Variants in DERA observed in about 807,000 individuals in gnomAD.
DERA encodes the protein 2-deoxy-D-ribose 5-phosphate aldolase.
Under a neutral mutation model 41.1 loss-of-function variants are expected in DERA, and 15 were observed. The observed-to-expected ratio is 0.37, with a 90% CI of 0.24 to 0.56. DERA has a LOEUF of 0.56. Ranked by LOEUF, DERA falls within the 20% of genes least tolerant of loss-of-function variation. The pLI is 0.81. For synonymous variants in DERA, 139 were observed against 137.4 expected, an observed-to-expected ratio of 1.01 and a Z score of -0.08; for missense variants, 396 against 403.4, an observed-to-expected ratio of 0.98 and a Z score of 0.16.
rs1363671166 is a variant in DERA at position 16,011,754 on chromosome 12, TG to T, written c.638-20787del. On this transcript the variant is annotated intron_variant, in intron 6 of 8. Transcript: ENST00000428559. This position sits in a 1 kb window ranked among gnomAD's most constrained non-coding sequence, Gnocchi z 4.7. ...TTTTGAGGCATTTGGCATGGGTAAT[TG>T]TATTTACGGATAGATGTTTTCATTT... Among the ~76,000 whole-genome samples, 1 of 152,198 alleles carries T rather than the reference TG, an allele frequency of 6.6e-6. No homozygotes were observed. Among genetic ancestry groups the T allele is most frequent in the Admixed American group, 6.6e-5 (1 of 15,266 alleles).
In DERA at chr12:15,911,858, G is replaced by A. The variant is rs907443311; in HGVS notation, c.31+444G>A. 7.3e-5 allele frequency: 32 copies of A among 438,586 alleles called. No homozygotes were observed. Among genetic ancestry groups the A allele is most frequent in the Non-Finnish European group, 1.1e-4 (25 of 218,804 alleles). The allele number at this position is 438,586 out of a possible 1,614,324, so 27.2% of individuals were successfully genotyped here. On this transcript the variant is annotated intron_variant, in intron 1 of 8. Coordinates refer to ENST00000428559, the MANE Select transcript of DERA (RefSeq NM_015954.4). This position sits in a 1 kb window ranked among gnomAD's most constrained non-coding sequence, Gnocchi z 4.5. Reference sequence around the variant, plus strand: ...TTTTAACCGTAACCTTGAAGTGGCCGTGCTCGTGGAAAAGTTGTCAGCCGT... The same window carrying A: ...TTTTAACCGTAACCTTGAAGTGGCCATGCTCGTGGAAAAGTTGTCAGCCGT...
intron 1 of DERA, among the ~76,000 whole-genome samples, chr12:15,948,696 A>G (rs907338698): frequency 1.3e-5 from 2 of 151,898 alleles, no homozygotes; most frequent in African/African-American, 2.4e-5. Context: ...TCTTCTCTCA[A>G]CTCGTCAAAG....
rs549267097 is a variant in DERA, at chr12:15,967,796, C to G, written c.508+4849C>G. On this transcript the variant is annotated intron_variant, in intron 5 of 8. Transcript: ENST00000428559. This position sits in a 1 kb window ranked among gnomAD's most constrained non-coding sequence, Gnocchi z 4.9. The stretch of plus-strand genomic sequence containing the variant: ...TAGCTGGACATGGAAACGTGGATAA[C>G]TACATTTCTCACTTACCACCATAGT... Among the ~76,000 whole-genome samples the G allele has an allele frequency of 1.3e-5, 2 of 152,310 alleles. No individual in the cohort carries two copies. The highest frequency in any genetic ancestry group is 2.1e-4 in the South Asian group (1 of 4,826).
At chr12:16,034,776 C>T (rs539162409) in intron 7 of DERA, among the ~76,000 whole-genome samples, 4 of 151,728 alleles carry the variant, frequency 2.6e-5, no homozygotes, top group East Asian at 1.9e-4. Flanking sequence ...AAAAGATAAA[C>T]TTATGTTAGA....
rs946115674 is a variant in DERA, at chr12:15,970,189, T to A, written c.508+7242T>A. ...TATATTAAGTGTTTTACTGTACATA[T>A]AATTATCTTAAGAGTTATTTTCAGG... On this transcript the variant is annotated intron_variant, in intron 5 of 8. Transcript: ENST00000428559. The surrounding 1 kb of genome is among the most constrained non-coding windows in gnomAD (Gnocchi z 4.3). 2.0e-5 allele frequency among the ~76,000 whole-genome samples: 3 copies of A among 152,236 alleles called. No homozygotes were observed. The highest frequency in any genetic ancestry group is 7.2e-5 in the African/African-American group (3 of 41,462).
intron 6 of DERA, among the ~76,000 whole-genome samples, chr12:16,022,462 C>T (rs1592054770): frequency 6.6e-6 from 1 of 152,174 alleles, no homozygotes; most frequent in African/African-American, 2.4e-5. Context: ...ACTAACACAG[C>T]ATATGTTCAG....
intron 5 of DERA, among the ~76,000 whole-genome samples, chr12:15,974,952 T>A (rs1729049128): frequency 6.6e-6 from 1 of 152,134 alleles, no homozygotes; most frequent in Non-Finnish European, 1.5e-5. Flanking sequence ...AAGAACTCAT[T>A]GATTCTTATT....
rs1949121178 is a variant in DERA, at chr12:16,035,491, T to C, written c.751-741T>C. ...AGAGTTTTATTGTATATGGAACATA[T>C]CTTTCATTTCCTAATGGATCCAGGG... On this transcript the variant is annotated intron_variant, in intron 7 of 8. Coordinates refer to ENST00000428559, the MANE Select transcript of DERA (RefSeq NM_015954.4). The surrounding 1 kb of genome is among the most constrained non-coding windows in gnomAD (Gnocchi z 4.1). Among the ~76,000 whole-genome samples, 1 of 152,154 alleles carries C rather than the reference T, an allele frequency of 6.6e-6. No homozygotes were observed. Among genetic ancestry groups the C allele is most frequent in the Non-Finnish European group, 1.5e-5 (1 of 68,036 alleles).
At chr12:16,023,134 T>C (rs1257117796) in intron 6 of DERA, among the ~76,000 whole-genome samples, 1 of 152,136 alleles carries the variant, frequency 6.6e-6, no homozygotes, top group Non-Finnish European at 1.5e-5. Context: ...TGAGATTTAA[T>C]ACTAAGGCTA....
chr12:15,947,907 G>T (rs1204213601), intron 1 of DERA, among the ~76,000 whole-genome samples: 1 of 152,160 alleles, frequency 6.6e-6, no homozygotes, highest in Admixed American at 6.5e-5. Flanking sequence ...AGGCCTGGTG[G>T]TGAGAAAATC....
chr12:15,990,819 C>CAT lies in DERA; in HGVS notation c.637+8391_637+8392dup, dbSNP rs1948797235. Among the ~76,000 whole-genome samples the CAT allele has an allele frequency of 6.6e-6, 1 of 151,982 alleles. No individual in the cohort carries two copies. The highest frequency in any genetic ancestry group is 1.5e-5 in the Non-Finnish European group (1 of 67,924). Reference sequence around the variant, plus strand: ...TATGGCTGGATAGTAGTCCATGGTGCATATATATACACCACATTTTATTTA... The same window carrying CAT: ...TATGGCTGGATAGTAGTCCATGGTGCATATATATATACACCACATTTTATTTA... On this transcript the variant is annotated intron_variant, in intron 6 of 8. Coordinates refer to ENST00000428559, the MANE Select transcript of DERA (RefSeq NM_015954.4). This position sits in a 1 kb window ranked among gnomAD's most constrained non-coding sequence, Gnocchi z 4.3.
At chr12:15,987,121 A>T (rs1948769828) in intron 6 of DERA, among the ~76,000 whole-genome samples, 1 of 151,186 alleles carries the variant, frequency 6.6e-6, no homozygotes, top group Non-Finnish European at 1.5e-5. Flanking sequence ...ACCACAACCG[A>T]CCTAAGTATG....
chr12:15,918,004 C>T lies in DERA; in HGVS notation c.31+6590C>T, dbSNP rs1325291150. Among the ~76,000 whole-genome samples the T allele has an allele frequency of 6.6e-6, 1 of 152,192 alleles. No individual in the cohort carries two copies. Among genetic ancestry groups the T allele is most frequent in the Non-Finnish European group, 1.5e-5 (1 of 68,030 alleles). On this transcript the variant is annotated intron_variant, in intron 1 of 8. Coordinates refer to ENST00000428559, the MANE Select transcript of DERA (RefSeq NM_015954.4). The surrounding 1 kb of genome is among the most constrained non-coding windows in gnomAD (Gnocchi z 4.3). ...TCATCTACCTATCATCTCTCTGTATCTACATAGTGAAAACCATGAGTTCAC... is the reference window on the plus strand; with the variant it reads ...TCATCTACCTATCATCTCTCTGTATTTACATAGTGAAAACCATGAGTTCAC...
chr12:15,926,732 G>A (rs1458074985), intron 1 of DERA, among the ~76,000 whole-genome samples: 5 of 113,752 alleles, frequency 4.4e-5, no homozygotes, highest in Non-Finnish European at 9.0e-5. Flanking sequence ...GCGAGACTCC[G>A]TCTCAAAAAG....
chr12:15,993,999 G>A lies in DERA; in HGVS notation c.637+11563G>A, dbSNP rs1481074894. On this transcript the variant is annotated intron_variant, in intron 6 of 8. Coordinates refer to ENST00000428559, the MANE Select transcript of DERA (RefSeq NM_015954.4). This position sits in a 1 kb window ranked among gnomAD's most constrained non-coding sequence, Gnocchi z 4.4. ...TGTGAAGAAAGAAAAAGAGAGAAAA[G>A]AAAAAGCTTAGTTTTTTATGTGGCA... 6.6e-6 allele frequency among the ~76,000 whole-genome samples: 1 copy of A among 152,130 alleles called. No individual in the cohort carries two copies. Among genetic ancestry groups the A allele is most frequent in the Admixed American group, 6.5e-5 (1 of 15,282 alleles).
At chr12:15,978,545 C>T (rs115659759) in intron 5 of DERA, among the ~76,000 whole-genome samples, 5 of 152,198 alleles carry the variant, frequency 3.3e-5, no homozygotes, top group Middle Eastern at 3.4e-3. Flanking sequence ...TTAGAGAAAT[C>T]GAATAATTCC....
Position 15,959,181 on chromosome 12 carries a change from T to C in DERA, c.278-648T>C, listed in dbSNP as rs1040594951. 6.6e-6 allele frequency among the ~76,000 whole-genome samples: 1 copy of C among 152,202 alleles called. No individual in the cohort carries two copies. Among genetic ancestry groups the C allele is most frequent in the Non-Finnish European group, 1.5e-5 (1 of 68,024 alleles). ...TACGGCTTTTGAAAAGTATTTATTA[T>C]GTTTATTTCGTGTTGGCCATAAAAA... On this transcript the variant is annotated intron_variant, in intron 3 of 8. Coordinates refer to ENST00000428559, the MANE Select transcript of DERA (RefSeq NM_015954.4). This position sits in a 1 kb window ranked among gnomAD's most constrained non-coding sequence, Gnocchi z 4.5.
rs2417520 is a variant in DERA at position 15,985,872 on chromosome 12, T to C, written c.637+3436T>C. 0.17 allele frequency among the ~76,000 whole-genome samples: 25,653 copies of C among 152,174 alleles called. 2,402 individuals carry two copies. The highest frequency in any genetic ancestry group is 0.21 in the Non-Finnish European group (14,278 of 67,980). On this transcript the variant is annotated intron_variant, in intron 6 of 8. Coordinates refer to ENST00000428559, the MANE Select transcript of DERA (RefSeq NM_015954.4). The surrounding 1 kb of genome is among the most constrained non-coding windows in gnomAD (Gnocchi z 4.2). ...ATGTTAGAGCAAATGTCAGATCGAA[T>C]TGGTTGATAATGTTTTTCAGATCTA...
At chr12:16,007,168 T>C (rs967114283) in intron 6 of DERA, among the ~76,000 whole-genome samples, 5 of 149,592 alleles carry the variant, frequency 3.3e-5, no homozygotes, top group African/African-American at 1.2e-4. Flanking sequence ...CTTTTTGGGG[T>C]TTTTTTGTTT....
Sources: gnomAD v4.1 joint callset for allele counts (sites outside exome capture counted in the v4.1 genomes callset) on GRCh38, gnomAD v4.1.1 for gene constraint, Gnocchi (gnomAD v3.1) non-coding constraint, MANE v1.5 for transcripts, NCBI Gene and HGNC (gene_info 2026-07-23, HGNC 2026-07-21) for gene names.